DGKI: variants seen among roughly 807,000 people sequenced by gnomAD.
DGKI encodes the protein DAG kinase iota.
DGKI carries 55 observed loss-of-function variants against 147.5 expected under a neutral mutation model. The observed-to-expected ratio is 0.37, with a 90% CI of 0.30 to 0.47. DGKI has a LOEUF of 0.47. Among genes scored for constraint, DGKI ranks in the 20% least tolerant of loss-of-function variants. The pLI is 1.00. For missense variants in DGKI, 1,007 were observed against 1,323.8 expected (o/e 0.76, Z 3.71); for synonymous variants, 469 against 477.1 (o/e 0.98, Z 0.22).
intron 20 of DGKI, among the ~76,000 whole-genome samples, chr7:137,550,138 T>C (rs1025537731): frequency 6.6e-6 from 1 of 151,588 alleles, no homozygotes; most frequent in Admixed American, 6.6e-5. Flanking sequence ...TAAGTAACAG[T>C]TTTGGGGTGT....
At chr7:137,800,937 A>G (rs1048563485) in intron 1 of DGKI, among the ~76,000 whole-genome samples, 20 of 152,228 alleles carry the variant, frequency 1.3e-4, no homozygotes, top group Non-Finnish European at 2.5e-4. Flanking sequence ...TCTGTAGAAT[A>G]AGAATTTTGT....
intron 28 of DGKI, among the ~76,000 whole-genome samples, chr7:137,418,868 C>A (rs898033657): frequency 5.9e-5 from 9 of 152,176 alleles, no homozygotes; most frequent in Non-Finnish European, 1.0e-4. Flanking sequence ...AACTTTTACT[C>A]CTAAATATTT....
Position 137,399,922 on chromosome 7 carries a change from AAAAG to A in DGKI, c.2921-2513_2921-2510del, listed in dbSNP as rs552661330. ...AGAGCAAGACTTCTCAAAAAAAAAA[AAAAG>A]AAAGAAAGAAAAGAGTCAATACACA... is the stretch of plus-strand genomic sequence containing the variant. On this transcript the variant is annotated intron_variant, in intron 30 of 32. Transcript: ENST00000614521. Among the ~76,000 whole-genome samples, 7 of 152,074 alleles carry A rather than the reference AAAAG, an allele frequency of 4.6e-5. No individual in the cohort carries two copies. The South Asian group carries it at 6.2e-4, about 14-fold the overall frequency.
intron 1 of DGKI, among the ~76,000 whole-genome samples, chr7:137,758,522 C>T (rs1429705439): frequency 6.6e-6 from 1 of 152,028 alleles, no homozygotes; most frequent in Admixed American, 6.6e-5. Context: ...CCCATCTCTA[C>T]TAAAAATATA....
intron 7 of DGKI, among the ~76,000 whole-genome samples, 158 bp downstream of exon 7, chr7:137,623,325 A>G (rs1820817016): frequency 6.6e-6 from 1 of 152,238 alleles, no homozygotes; most frequent in African/African-American, 2.4e-5. Flanking sequence ...ATTGTTCTAT[A>G]GTTTCAGTCT....
At chr7:137,463,813 A>C (rs949313798) in intron 26 of DGKI, among the ~76,000 whole-genome samples, 5 of 152,342 alleles carry the variant, frequency 3.3e-5, no homozygotes, top group South Asian at 2.1e-4. Flanking sequence ...TGTCCCCTTC[A>C]CAGATGAGAA....
chr7:137,818,092 A>G (rs1797790866), intron 1 of DGKI, among the ~76,000 whole-genome samples: 1 of 152,210 alleles, frequency 6.6e-6, no homozygotes, highest in African/African-American at 2.4e-5. Flanking sequence ...CTAACTGGGA[A>G]TATTTTGAGA....
intron 1 of DGKI, among the ~76,000 whole-genome samples, chr7:137,712,036 T>C (rs1473639871): frequency 6.6e-6 from 1 of 152,154 alleles, no homozygotes; most frequent in African/African-American, 2.4e-5. Context: ...TAAATGAATG[T>C]ATGGCATTTA....
intron 10 of DGKI, among the ~76,000 whole-genome samples, chr7:137,606,892 A>T (rs1051307729): frequency 6.6e-6 from 1 of 152,194 alleles, no homozygotes; most frequent in Non-Finnish European, 1.5e-5. Flanking sequence ...TTATTTAACT[A>T]TGTGCCGTGT....
At chr7:137,785,486 T>A (rs1409046204) in intron 1 of DGKI, among the ~76,000 whole-genome samples, 1 of 151,222 alleles carries the variant, frequency 6.6e-6, no homozygotes, top group African/African-American at 2.4e-5. Flanking sequence ...AATGTAAAAA[T>A]TGCCAACAAA....
intron 20 of DGKI, chr7:137,545,916 G>C (rs1003857248): frequency 5.7e-6 from 4 of 702,492 alleles, no homozygotes; most frequent in Middle Eastern, 2.3e-4. Flanking sequence ...AAGGAGCCGG[G>C]GGGAGCAGAC....
At chr7:137,545,740 C>A (rs1017548027) in intron 20 of DGKI, among the ~76,000 whole-genome samples, 2 of 152,172 alleles carry the variant, frequency 1.3e-5, no homozygotes, top group African/African-American at 2.4e-5. Flanking sequence ...AAAAACTTCA[C>A]AGCTCCATTT....
At chr7:137,565,340 G>T (rs1818548860) in intron 19 of DGKI, among the ~76,000 whole-genome samples, 1 of 151,820 alleles carries the variant, frequency 6.6e-6, no homozygotes, top group Non-Finnish European at 1.5e-5. Flanking sequence ...ATCAAATATA[G>T]TTATTTATTT....
intron 1 of DGKI, chr7:137,722,550 A>C (rs908661954): frequency 2.2e-5 from 35 of 1,602,318 alleles, no homozygotes; most frequent in Non-Finnish European, 3.0e-5. Flanking sequence ...CTCTACGAAG[A>C]ACACACCAGA....
At chr7:137,786,662 G>C (rs1247352435) in intron 1 of DGKI, among the ~76,000 whole-genome samples, 5 of 135,944 alleles carry the variant, frequency 3.7e-5, no homozygotes, top group Non-Finnish European at 1.6e-5. Flanking sequence ...CATAGCCAAA[G>C]CAAGACTAAG....
chr7:137,577,023 T>TA (rs1819005582), intron 17 of DGKI, among the ~76,000 whole-genome samples, 199 bp downstream of exon 17: 2 of 152,204 alleles, frequency 1.3e-5, no homozygotes, highest in South Asian at 4.1e-4. Context: ...GGAGCGAAAC[T>TA]AGTCTTTTCA....
intron 30 of DGKI, among the ~76,000 whole-genome samples, chr7:137,401,198 A>G (rs1364595953): frequency 6.6e-6 from 1 of 152,182 alleles, no homozygotes; most frequent in African/African-American, 2.4e-5. Context: ...AGTCTCACTA[A>G]TAAAGGAAAC....
intron 20 of DGKI, among the ~76,000 whole-genome samples, chr7:137,543,432 T>C (rs938270718): frequency 1.3e-5 from 2 of 152,144 alleles, no homozygotes; most frequent in African/African-American, 4.8e-5. Flanking sequence ...AAACTGGAAA[T>C]TTTGCACATA....
chr7:137,414,854 C>T (rs911632908), intron 28 of DGKI, among the ~76,000 whole-genome samples: 2 of 152,122 alleles, frequency 1.3e-5, no homozygotes, highest in African/African-American at 2.4e-5. Flanking sequence ...GTTATTCAAT[C>T]GTTTTGAACC....
Sources: gnomAD v4.1 joint callset for allele counts (sites outside exome capture counted in the v4.1 genomes callset) on GRCh38, gnomAD v4.1.1 for gene constraint, MANE v1.5 for transcripts, NCBI Gene and HGNC (gene_info 2026-07-23, HGNC 2026-07-21) for gene names.